SFI1: variants seen among roughly 807,000 people sequenced by gnomAD.
SFI1 encodes protein SFI1 homolog.
SFI1 carries 195 observed loss-of-function variants against 207.5 expected under a neutral mutation model. The observed-to-expected ratio is 0.94, with a 90% CI of 0.84 to 1.06. The LOEUF (loss-of-function observed/expected upper bound fraction) is 1.06, where lower values mean the gene tolerates loss of function less well. Ranked by LOEUF, SFI1 falls within the 50% of genes least tolerant of loss-of-function variation. The pLI is 0.00. For missense variants in SFI1, 1,634 were observed against 1,588.0 expected, an observed-to-expected ratio of 1.03 and a Z score of -0.49; for synonymous variants, 630 against 598.9, an observed-to-expected ratio of 1.05 and a Z score of -0.76.
chr22:31,580,950 A>G (rs1371049028), intron 12 of SFI1, among the ~76,000 whole-genome samples: 1 of 152,136 alleles, frequency 6.6e-6, no homozygotes, highest in Non-Finnish European at 1.5e-5. Flanking sequence ...CTCAAAGTTC[A>G]GGGACTGTGG....
intron 31 of SFI1, among the ~76,000 whole-genome samples, chr22:31,617,319 GCA>G (rs1482994096): frequency 6.6e-6 from 1 of 151,650 alleles, no homozygotes; most frequent in Non-Finnish European, 1.5e-5. Flanking sequence ...ACTCACCTGT[GCA>G]CAGAGGCTCT....
chr22:31,617,994 AC>A, intron 31 of SFI1, 120 bp from the exon 32 acceptor site: 1 of 1,143,902 alleles, frequency 8.7e-7, no homozygotes, highest in Non-Finnish European at 1.2e-6. Flanking sequence ...CAGGGGCCCT[AC>A]CAGACCACCT....
intron 1 of SFI1, among the ~76,000 whole-genome samples, chr22:31,508,011 G>A (rs1200939637): frequency 1.3e-5 from 2 of 152,092 alleles, no homozygotes; most frequent in Non-Finnish European, 2.9e-5. Flanking sequence ...AGGAGGTGGA[G>A]GTTGCAGTGA....
At chr22:31,526,535 G>C (rs548154680) in intron 2 of SFI1, among the ~76,000 whole-genome samples, 5 of 152,138 alleles carry the variant, frequency 3.3e-5, no homozygotes, top group Non-Finnish European at 5.9e-5. Flanking sequence ...CGATTTGGGT[G>C]GGGGCACAGC....
At chr22:31,537,760 A>G (rs1234848708) in intron 4 of SFI1, among the ~76,000 whole-genome samples, 2 of 152,204 alleles carry the variant, frequency 1.3e-5, no homozygotes, top group African/African-American at 2.4e-5. Flanking sequence ...TCTAATATCT[A>G]TATATCAATA....
In SFI1 at chr22:31,613,652, A is replaced by G. The variant is rs778222335; in HGVS notation, c.2793A>G (p.Lys931=). 23 of 1,604,792 alleles carry G rather than the reference A, an allele frequency of 1.4e-5. No homozygotes were observed. The Admixed American group carries it at 3.7e-4, about 26-fold the overall frequency. ...TCCGCCGCTGTGCCACGCTCTGGAA[A>G]CAGAAAGTGCTGGGCCGGGGCGGGA... The part of the protein sequence containing the change: ...RAVRRCATLW[K]QKVLGRGGKP... Residue 931 remains lysine, a synonymous_variant, in exon 27 of 33, where the codon AAA becomes AAG. Transcript: ENST00000400288.
intron 2 of SFI1, among the ~76,000 whole-genome samples, chr22:31,513,772 G>T (rs535648057): frequency 6.3e-4 from 95 of 151,730 alleles, no homozygotes; most frequent in African/African-American, 2.2e-3. Context: ...GTAGAGACAG[G>T]GTTTCACCAT....
At chr22:31,498,633 A>G (rs1245322648) in intron 1 of SFI1, among the ~76,000 whole-genome samples, 1 of 147,250 alleles carries the variant, frequency 6.8e-6, no homozygotes, top group Non-Finnish European at 1.5e-5. Flanking sequence ...CCTGGGCGAC[A>G]GAGCAAGACT....
Position 31,613,935 on chromosome 22 carries a change from C to T in SFI1, c.2996+80C>T. Reference sequence around the variant, plus strand: ...TGGCATAGCAGGGAGGAAAACAGCCCTGACGGGATGGGACGGGCTGGTCAC... The same window carrying T: ...TGGCATAGCAGGGAGGAAAACAGCCTTGACGGGATGGGACGGGCTGGTCAC... On this transcript the variant is annotated intron_variant, in intron 27 of 32. Coordinates refer to ENST00000400288, the MANE Select transcript of SFI1 (RefSeq NM_001007467.3). 4 of 1,477,258 alleles carry T rather than the reference C, an allele frequency of 2.7e-6. No homozygotes were observed. The South Asian group carries it at 5.5e-5, about 20-fold the overall frequency. The allele number at this position is 1,477,258 out of a possible 1,614,324, so 91.5% of individuals were successfully genotyped here.
chr22:31,589,183 AGT>A (rs1388172747), intron 14 of SFI1, among the ~76,000 whole-genome samples: 1 of 138,076 alleles, frequency 7.2e-6, no homozygotes, highest in Non-Finnish European at 1.6e-5. Context: ...GGGAAGAGAG[AGT>A]GAGTGAGAGT....
At chr22:31,607,322 G>A (rs2069203578) in intron 21 of SFI1, among the ~76,000 whole-genome samples, 1 of 152,090 alleles carries the variant, frequency 6.6e-6, no homozygotes, top group Admixed American at 6.6e-5. Context: ...AGTAATAGAG[G>A]CCGGGCGCAG....
chr22:31,566,948 C>G (rs2062374264), intron 8 of SFI1, among the ~76,000 whole-genome samples: 1 of 152,112 alleles, frequency 6.6e-6, no homozygotes, highest in Admixed American at 6.6e-5. Context: ...CTCTGTCACC[C>G]AGGCTGGAGT....
chr22:31,499,286 C>G (rs1385192272), intron 1 of SFI1, among the ~76,000 whole-genome samples: 1 of 152,150 alleles, frequency 6.6e-6, no homozygotes, highest in Non-Finnish European at 1.5e-5. Context: ...CCTCCGCCTC[C>G]CGGGTTCAAG....
intron 5 of SFI1, among the ~76,000 whole-genome samples, chr22:31,547,918 A>G (rs1045379234): frequency 3.3e-5 from 5 of 149,950 alleles, no homozygotes; most frequent in African/African-American, 4.9e-5. Context: ...CCTTGTTTTA[A>G]AAATAATAAA....
intron 22 of SFI1, among the ~76,000 whole-genome samples, chr22:31,608,877 A>G (rs1045973381): frequency 2.0e-5 from 3 of 152,088 alleles, no homozygotes; most frequent in African/African-American, 7.2e-5. Context: ...ACAGTGGTAC[A>G]CACCTATAGT....
intron 2 of SFI1, among the ~76,000 whole-genome samples, chr22:31,510,456 G>A (rs1017327443): frequency 1.3e-5 from 2 of 151,744 alleles, no homozygotes; most frequent in African/African-American, 4.8e-5. Flanking sequence ...TTTTTGAGAT[G>A]GAGTCTCACT....
chr22:31,592,905 G>A (rs1373970548), intron 15 of SFI1, among the ~76,000 whole-genome samples: 2 of 122,126 alleles, frequency 1.6e-5, no homozygotes, highest in East Asian at 2.5e-4. Flanking sequence ...CCGGGCTGAG[G>A]GGCTCCTCAC....
rs375553512 is a variant in SFI1 at position 31,573,044 on chromosome 22, T to C, written c.766-14T>C. 1 of 1,612,572 alleles carries C rather than the reference T, an allele frequency of 6.2e-7. No individual in the cohort carries two copies. The highest frequency in any genetic ancestry group is 8.5e-7 in the Non-Finnish European group (1 of 1,179,064). ...TGCCTCTCCTTTGACTGTTGCCTCT[T>C]CTCTGGTTTTCAGGCTTGGTCACAG... On this transcript the variant is annotated splice_polypyrimidine_tract_variant and intron_variant, in intron 8 of 32. Coordinates refer to ENST00000400288, the MANE Select transcript of SFI1 (RefSeq NM_001007467.3).
intron 5 of SFI1, among the ~76,000 whole-genome samples, chr22:31,548,194 T>C (rs2060277214): frequency 6.6e-6 from 1 of 151,506 alleles, no homozygotes; most frequent in Non-Finnish European, 1.5e-5. Flanking sequence ...CACTCCAGCC[T>C]GGGCAACAGT....
Sources: allele counts gnomAD v4.1 joint callset (sites outside exome capture counted in the v4.1 genomes callset), GRCh38; gene constraint gnomAD v4.1.1; transcripts MANE v1.5; gene names NCBI Gene and HGNC (gene_info 2026-07-23, HGNC 2026-07-21).